HDAC9: variants seen among roughly 807,000 people sequenced by gnomAD.
HDAC9 encodes histone deacetylase 9.
HDAC9 carries 41 observed loss-of-function variants against 139.4 expected under a neutral mutation model. The observed-to-expected ratio is 0.29, with a 90% CI of 0.23 to 0.38. The LOEUF (loss-of-function observed/expected upper bound fraction) is 0.38, where lower values mean the gene tolerates loss of function less well. HDAC9 is among the 10% of genes least tolerant of loss of function. The pLI, the probability that HDAC9 is intolerant of heterozygous loss-of-function variation, is 1.00. For missense variants in HDAC9, 1,147 were observed against 1,297.0 expected, an observed-to-expected ratio of 0.88 and a Z score of 1.78; for synonymous variants, 517 against 476.2, an observed-to-expected ratio of 1.09 and a Z score of -1.12.
intron 1 of HDAC9, among the ~76,000 whole-genome samples, chr7:18,124,060 C>T (rs575704950): frequency 2.2e-4 from 34 of 152,298 alleles, no homozygotes; most frequent in Non-Finnish European, 4.3e-4. Flanking sequence ...AGAACCCTGA[C>T]TCACAGCCTG....
chr7:18,577,339 T>A (rs1382765305), intron 2 of HDAC9, among the ~76,000 whole-genome samples: 1 of 152,224 alleles, frequency 6.6e-6, no homozygotes, highest in Non-Finnish European at 1.5e-5. Context: ...TTCCTGTTCC[T>A]GTGTACATGC....
intron 24 of HDAC9, among the ~76,000 whole-genome samples, chr7:18,974,874 G>A (rs182599184): frequency 5.3e-5 from 8 of 152,230 alleles, no homozygotes; most frequent in African/African-American, 9.6e-5. Context: ...CCAATCCAGC[G>A]TTCATCCATT....
At chr7:18,750,889 C>T (rs557906722) in intron 14 of HDAC9, among the ~76,000 whole-genome samples, 1 of 152,290 alleles carries the variant, frequency 6.6e-6, no homozygotes, top group East Asian at 1.9e-4. Context: ...CATTTTTTCA[C>T]ATTCACGTTT....
At chr7:18,866,973 A>T (rs1798548432) in intron 21 of HDAC9, among the ~76,000 whole-genome samples, 1 of 152,230 alleles carries the variant, frequency 6.6e-6, no homozygotes, top group Admixed American at 6.5e-5. Context: ...ATCAGAATCA[A>T]TTGTTCCAAA....
intron 6 of HDAC9, among the ~76,000 whole-genome samples, chr7:18,596,378 G>A (rs1014202215): frequency 2.6e-5 from 4 of 151,936 alleles, no homozygotes; most frequent in African/African-American, 7.2e-5. Flanking sequence ...TTACAAAATA[G>A]GTGGAACACT....
chr7:18,981,418 A>G (rs1784943014), intron 25 of HDAC9, among the ~76,000 whole-genome samples: 1 of 152,218 alleles, frequency 6.6e-6, no homozygotes, highest in Non-Finnish European at 1.5e-5. Flanking sequence ...GAATACTGCA[A>G]ATTTAATGGC....
intron 1 of HDAC9, among the ~76,000 whole-genome samples, chr7:18,398,456 AGTTT>A (rs1423282642): frequency 6.6e-6 from 1 of 151,950 alleles, no homozygotes; most frequent in Non-Finnish European, 1.5e-5. Context: ...CTTAGAGTTG[AGTTT>A]GTTTATTTTT....
chr7:18,477,634 C>G (rs904015830), intron 1 of HDAC9, among the ~76,000 whole-genome samples: 2 of 152,070 alleles, frequency 1.3e-5, no homozygotes, highest in African/African-American at 4.8e-5. Context: ...ATTCATGAGC[C>G]TTTGAAACTT....
rs114585135 is a variant in HDAC9 at position 18,508,984 on chromosome 7, G to A, written c.22+12660G>A. ...GTTGGGTTAGCAACTGGCTAGATTCGTGACATGTTGTTACAAAAAAATAGT... is the reference window on the plus strand; with the variant it reads ...GTTGGGTTAGCAACTGGCTAGATTCATGACATGTTGTTACAAAAAAATAGT... On this transcript the variant is annotated intron_variant, in intron 2 of 25. Coordinates refer to ENST00000686413, the MANE Select transcript of HDAC9 (RefSeq NM_178425.4). 1.7e-3 allele frequency among the ~76,000 whole-genome samples: 261 copies of A among 152,248 alleles called. 2 individuals are homozygous for A. The highest frequency in any genetic ancestry group is 6.1e-3 in the African/African-American group (252 of 41,540).
At chr7:18,268,114 T>G (rs1156962147) in intron 2 of HDAC9, among the ~76,000 whole-genome samples, 1 of 152,170 alleles carries the variant, frequency 6.6e-6, no homozygotes, top group African/African-American at 2.4e-5. Flanking sequence ...TACAGCTCAC[T>G]TATTTAATTG....
At chr7:18,458,721 A>G in intron 1 of HDAC9, 1 of 575,244 alleles carries the variant, frequency 1.7e-6, no homozygotes, top group East Asian at 2.9e-5. Context: ...ATAAATGATA[A>G]GCTGTAGACC....
At chr7:18,255,642 T>TG (rs1795186659) in intron 2 of HDAC9, among the ~76,000 whole-genome samples, 1 of 148,722 alleles carries the variant, frequency 6.7e-6, no homozygotes, top group Non-Finnish European at 1.5e-5. Flanking sequence ...TTTTTTTTTT[T>TG]TTTGGAGATG....
At chr7:18,386,409 C>T (rs1029155118) in intron 1 of HDAC9, among the ~76,000 whole-genome samples, 4 of 152,136 alleles carry the variant, frequency 2.6e-5, no homozygotes, top group Admixed American at 2.6e-4. Flanking sequence ...TTTCATTGAA[C>T]TTGCATAGAA....
At chr7:18,793,182 T>A (rs1268245743) in intron 16 of HDAC9, 163 bp from the exon 17 acceptor site, 2 of 607,872 alleles carry the variant, frequency 3.3e-6, no homozygotes, top group Non-Finnish European at 3.0e-6. Flanking sequence ...GGAAGACTAA[T>A]GTTATTGTAC....
At chr7:18,786,605 CCTTCCT>C in intron 16 of HDAC9, among the ~76,000 whole-genome samples, 1 of 88,788 alleles carries the variant, frequency 1.1e-5, no homozygotes, top group Non-Finnish European at 2.5e-5. Flanking sequence ...TTCCTTCCTT[CCTTCCT>C]TCCTTCCCTC....
chr7:18,453,048 C>CT (rs1297226580), intron 1 of HDAC9, among the ~76,000 whole-genome samples: 5 of 151,996 alleles, frequency 3.3e-5, no homozygotes, highest in African/African-American at 1.2e-4. Context: ...TCCTGTGATG[C>CT]TTTTTATAAA....
intron 21 of HDAC9, among the ~76,000 whole-genome samples, chr7:18,865,864 T>A (rs1445306770): frequency 2.6e-5 from 4 of 152,122 alleles, no homozygotes; most frequent in Middle Eastern, 3.4e-3. Context: ...TATAATATGA[T>A]GCTTTCATGC....
chr7:18,311,744 G>C (rs1299105807), intron 1 of HDAC9, among the ~76,000 whole-genome samples: 1 of 152,114 alleles, frequency 6.6e-6, no homozygotes, highest in Non-Finnish European at 1.5e-5. Flanking sequence ...CCCAAATATG[G>C]GGACAATATA....
At chr7:18,103,334 A>ATTATT (rs113791828) in intron 1 of HDAC9, among the ~76,000 whole-genome samples, 4 of 152,170 alleles carry the variant, frequency 2.6e-5, no homozygotes, top group Non-Finnish European at 4.4e-5. Flanking sequence ...TTTTTACTTT[A>ATTATT]TTATTTTATT....
Sources: gnomAD v4.1 joint callset for allele counts (sites outside exome capture counted in the v4.1 genomes callset) on GRCh38, gnomAD v4.1.1 for gene constraint, MANE v1.5 for transcripts, NCBI Gene and HGNC (gene_info 2026-07-23, HGNC 2026-07-21) for gene names.